The following SEMA5A variants were observed in gnomAD, a reference collection of about 807,000 sequenced individuals.
The protein encoded by SEMA5A is semaphorin 5A, also known as semaphorin-5A.
SEMA5A carries 55 observed loss-of-function variants against 135.5 expected under a neutral mutation model. The observed-to-expected ratio is 0.41, with a 90% CI of 0.33 to 0.51. The LOEUF is 0.51. Among genes scored for constraint, SEMA5A ranks in the 20% least tolerant of loss-of-function variants. The pLI is 0.37. For synonymous variants in SEMA5A, 580 were observed against 546.5 expected (o/e 1.06, Z -0.85); for missense variants, 1,290 against 1,419.9 (o/e 0.91, Z 1.47).
intron 4 of SEMA5A, among the ~76,000 whole-genome samples, chr5:9,334,762 G>T (rs1442593091): frequency 6.6e-6 from 1 of 152,044 alleles, no homozygotes; most frequent in African/African-American, 2.4e-5. Context: ...TACAGCCCAT[G>T]CTCCCGGGGT....
chr5:9,498,670 G>A (rs562380852), intron 1 of SEMA5A: 8 of 151,976 alleles, frequency 5.3e-5, no homozygotes, highest in South Asian at 2.1e-4. Context: ...ATTGCAAATC[G>A]GCGGCACACA....
At chr5:9,280,548 T>G (rs1187698064) in intron 5 of SEMA5A, among the ~76,000 whole-genome samples, 1 of 152,208 alleles carries the variant, frequency 6.6e-6, no homozygotes, top group East Asian at 1.9e-4. Context: ...AAGCTCTCAC[T>G]TGGCCAGCCT....
At chr5:9,070,226 C>T (rs926382925) in intron 16 of SEMA5A, among the ~76,000 whole-genome samples, 2 of 152,074 alleles carry the variant, frequency 1.3e-5, no homozygotes, top group East Asian at 3.9e-4. Flanking sequence ...CAAAAATTAG[C>T]GGGGCATGGT....
intron 16 of SEMA5A, among the ~76,000 whole-genome samples, chr5:9,085,605 T>C (rs988770671): frequency 6.6e-6 from 1 of 152,148 alleles, no homozygotes; most frequent in Non-Finnish European, 1.5e-5. Context: ...TTTTAGAGGA[T>C]GTATGGAAAC....
rs1322852385 is a variant in SEMA5A, at chr5:9,284,089, AATAG to A, written c.270+34279_270+34282del. Among the ~76,000 whole-genome samples, 26 of 141,816 alleles carry A rather than the reference AATAG, an allele frequency of 1.8e-4. No homozygotes were observed. In the East Asian group the frequency reaches 2.9e-3, roughly 16 times the overall value. The allele number at this position is 141,816 out of a possible 152,430, so 93.0% of individuals were successfully genotyped here. On this transcript the variant is annotated intron_variant, in intron 5 of 22. Transcript: ENST00000382496. ...AGATGATAGATGATAGATAACAGGT[AATAG>A]ATAGATAGATATTAGAGAGAGAGAG... is the stretch of plus-strand genomic sequence containing the variant.
chr5:9,050,187 C>A (rs532395716), intron 21 of SEMA5A, among the ~76,000 whole-genome samples: 78 of 152,286 alleles, frequency 5.1e-4, no homozygotes, highest in South Asian at 2.5e-3. Flanking sequence ...CCAGGCCATG[C>A]CCTGGACGTG....
At chr5:9,116,085 T>A (rs1457472311) in intron 15 of SEMA5A, among the ~76,000 whole-genome samples, 1 of 152,130 alleles carries the variant, frequency 6.6e-6, no homozygotes, top group Non-Finnish European at 1.5e-5. Context: ...AACTACCACA[T>A]GATCTTGGAA....
chr5:9,421,220 G>A (rs893601219), intron 2 of SEMA5A, among the ~76,000 whole-genome samples: 2 of 152,112 alleles, frequency 1.3e-5, no homozygotes, highest in Admixed American at 1.3e-4. Flanking sequence ...CAGACATGGG[G>A]GATGGAGGTC....
intron 15 of SEMA5A, among the ~76,000 whole-genome samples, chr5:9,109,259 C>T (rs575361775): frequency 1.3e-5 from 2 of 151,920 alleles, no homozygotes; most frequent in East Asian, 1.9e-4. Context: ...CCGGGATGGT[C>T]TCAATCTCCT....
intron 2 of SEMA5A, among the ~76,000 whole-genome samples, chr5:9,404,718 A>T (rs976658063): frequency 6.6e-6 from 1 of 152,218 alleles, no homozygotes; most frequent in African/African-American, 2.4e-5. Context: ...TAAGGGTAAA[A>T]ACTCTGATTA....
At chr5:9,451,504 G>A (rs1561263972) in intron 1 of SEMA5A, among the ~76,000 whole-genome samples, 1 of 152,064 alleles carries the variant, frequency 6.6e-6, no homozygotes, top group Non-Finnish European at 1.5e-5. Flanking sequence ...CCTAACTATT[G>A]TAAAAGAGCC....
chr5:9,362,433 A>G (rs1754738253), intron 3 of SEMA5A, among the ~76,000 whole-genome samples: 2 of 152,170 alleles, frequency 1.3e-5, no homozygotes, highest in Non-Finnish European at 2.9e-5. Flanking sequence ...CAAAAGAACT[A>G]TCTTCTGTAT....
intron 3 of SEMA5A, among the ~76,000 whole-genome samples, chr5:9,376,532 G>A (rs1171641423): frequency 6.6e-6 from 1 of 152,178 alleles, no homozygotes; most frequent in Non-Finnish European, 1.5e-5. Context: ...ACCCAACACA[G>A]GCACCTGTTA....
At chr5:9,197,730 G>GTT (rs1554001547) in intron 9 of SEMA5A, among the ~76,000 whole-genome samples, 7 of 103,316 alleles carry the variant, frequency 6.8e-5, no homozygotes, top group East Asian at 2.3e-4. Flanking sequence ...AAAGCTGTTT[G>GTT]TGTGTGTGTG....
At chr5:9,137,944 A>G (rs1741852167) in intron 12 of SEMA5A, among the ~76,000 whole-genome samples, 1 of 152,224 alleles carries the variant, frequency 6.6e-6, no homozygotes, top group Non-Finnish European at 1.5e-5. Flanking sequence ...TGTCGCTTTG[A>G]AATGAAAAAA....
intron 3 of SEMA5A, among the ~76,000 whole-genome samples, chr5:9,371,469 A>G (rs1755131793): frequency 6.6e-6 from 1 of 152,210 alleles, no homozygotes. Flanking sequence ...CTGTGCACTC[A>G]TGAATAATTA....
At chr5:9,046,524 G>A (rs1021657104) in intron 21 of SEMA5A, among the ~76,000 whole-genome samples, 4 of 152,152 alleles carry the variant, frequency 2.6e-5, no homozygotes, top group African/African-American at 9.7e-5. Context: ...TTCAGTGAGT[G>A]CCCACCTGGC....
chr5:9,047,896 G>A (rs1433611222), intron 21 of SEMA5A, among the ~76,000 whole-genome samples: 1 of 152,168 alleles, frequency 6.6e-6, no homozygotes, highest in Non-Finnish European at 1.5e-5. Flanking sequence ...GTGGTGATGG[G>A]CTTTGCACCA....
intron 3 of SEMA5A, among the ~76,000 whole-genome samples, chr5:9,352,707 T>G (rs901770206): frequency 6.6e-6 from 1 of 152,248 alleles, no homozygotes; most frequent in Non-Finnish European, 1.5e-5. Context: ...ATATAAGTAT[T>G]AGTCTCTAGG....
Sources: allele counts gnomAD v4.1 joint callset (sites outside exome capture counted in the v4.1 genomes callset), GRCh38; gene constraint gnomAD v4.1.1; transcripts MANE v1.5; gene names NCBI Gene and HGNC (gene_info 2026-07-23, HGNC 2026-07-21).